The following ERCC6 variants were observed in gnomAD, a reference collection of about 807,000 sequenced individuals.
ERCC6 encodes DNA excision repair protein ERCC-6.
In ERCC6, 116 loss-of-function variants were observed where a neutral mutation model predicts 158.7. The observed-to-expected ratio is 0.73, with a 90% CI of 0.63 to 0.85. The LOEUF (loss-of-function observed/expected upper bound fraction) is 0.85, where lower values mean the gene tolerates loss of function less well. Among genes scored for constraint, ERCC6 ranks in the 40% least tolerant of loss-of-function variants. ERCC6 has a pLI of 0.00. For missense variants in ERCC6, 1,698 were observed against 1,799.4 expected, an observed-to-expected ratio of 0.94 and a Z score of 1.02; for synonymous variants, 678 against 659.3, an observed-to-expected ratio of 1.03 and a Z score of -0.43.
chr10:49,522,474 T>C (rs1837193350), intron 5 of ERCC6, among the ~76,000 whole-genome samples: 1 of 152,222 alleles, frequency 6.6e-6, no homozygotes, highest in Non-Finnish European at 1.5e-5. Flanking sequence ...CTGAAATTCA[T>C]TTGAGATTTC....
At chr10:49,493,086 A>G in intron 8 of ERCC6, 31 bp downstream of exon 8, 2 of 1,612,518 alleles carry the variant, frequency 1.2e-6, no homozygotes, top group East Asian at 4.5e-5. Flanking sequence ...GCATTAAAAC[A>G]AAACAAAAAG....
rs1265580720 is a variant in ERCC6, at chr10:49,516,062, G to T, written c.1397+7971C>A. On this transcript the variant is annotated intron_variant, in intron 5 of 20. Transcript: ENST00000355832. ...GTGCAATACTGGTGAAAAAGTTATT[G>T]AATACAAAATGGTATTGTCCAGGGT... The T allele has an allele frequency of 3.7e-6, 6 of 1,614,078 alleles. No homozygotes were observed. In the Middle Eastern group the frequency reaches 8.2e-4, roughly 222 times the overall value.
Position 49,519,587 on chromosome 10 carries a change from G to A in ERCC6, c.1397+4446C>T, listed in dbSNP as rs138372416. Among the ~76,000 whole-genome samples, 371 of 152,260 alleles carry A rather than the reference G, an allele frequency of 2.4e-3. 2 individuals are homozygous for A. Among genetic ancestry groups the A allele is most frequent in the African/African-American group, 8.4e-3 (349 of 41,556 alleles). ...GGTCATCTGAGGAGACTCAGGCACC[G>A]CCTACTGAAGAGTCCGTTTCTGAAC... On this transcript the variant is annotated intron_variant, in intron 5 of 20. Transcript: ENST00000355832.
Position 49,473,603 on chromosome 10 carries a change from G to A in ERCC6, c.2599-16C>T. The A allele has an allele frequency of 2.0e-6, 3 of 1,469,980 alleles. No individual in the cohort carries two copies. The highest frequency in any genetic ancestry group is 2.9e-6 in the Non-Finnish European group (3 of 1,048,502). 91.1% of individuals were successfully genotyped at this position (1,469,980 alleles called of 1,614,324 possible). On this transcript the variant is annotated splice_polypyrimidine_tract_variant and intron_variant, in intron 13 of 20. Transcript: ENST00000355832. ...TGTCCAGCATCTGTTTGGAGGTGGGGGATAGGAGTTTGCAAAGCAAATACA... is the reference window on the plus strand; with the variant it reads ...TGTCCAGCATCTGTTTGGAGGTGGGAGATAGGAGTTTGCAAAGCAAATACA...
chr10:49,493,166 G>A lies in ERCC6; in HGVS notation c.1772C>T (p.Pro591Leu), dbSNP rs115876786. ...TTCATGTAGAATTGCCACTCTGAAC[G>A]GAGGCCACCACGTGTGAAATTCCTT... Reference protein sequence around the residue: ...WVKEFHTWWPPFRVAILHETG... With the variant: ...WVKEFHTWWPLFRVAILHETG... Residue 591 changes from proline to leucine, a missense_variant, in exon 8 of 21, where the codon CCG becomes CTG. Coordinates refer to ENST00000355832, the MANE Select transcript of ERCC6 (RefSeq NM_000124.4). 3.5e-4 allele frequency: 572 copies of A among 1,614,022 alleles called. No homozygotes were observed. The highest frequency in any genetic ancestry group is 4.5e-4 in the Non-Finnish European group (529 of 1,179,992).
At chr10:49,539,208 C>G (rs1837681409), upstream of ERCC6, among the ~76,000 whole-genome samples, 1 of 152,258 alleles carries the variant, frequency 6.6e-6, no homozygotes, top group African/African-American at 2.4e-5. Context: ...TTTCTACTTG[C>G]GTGCGAGCAG....
chr10:49,515,530 G>A (rs1836922777), intron 5 of ERCC6: 5 of 1,614,098 alleles, frequency 3.1e-6, no homozygotes, highest in Non-Finnish European at 4.2e-6. Context: ...TCTGGAGGAT[G>A]ACCATGGGTC....
chr10:49,536,413 A>C (rs1348837060), intron 1 of ERCC6, among the ~76,000 whole-genome samples: 1 of 152,172 alleles, frequency 6.6e-6, no homozygotes, highest in Non-Finnish European at 1.5e-5. Context: ...GAAGGTCGCA[A>C]GCAGAAATGA....
At chr10:49,459,261 TA>T in intron 20 of ERCC6, 27 bp from the exon 21 acceptor site, 4 of 1,610,654 alleles carry the variant, frequency 2.5e-6, no homozygotes, top group Non-Finnish European at 3.4e-6. Flanking sequence ...ACTATACTGA[TA>T]TATTTAATTT....
At chr10:49,437,020 G>A in the ERCC6 span, among the ~76,000 whole-genome samples, 1 of 152,184 alleles carries the variant, frequency 6.6e-6, no homozygotes, top group Non-Finnish European at 1.5e-5. Flanking sequence ...CCTGTTGTGG[G>A]AAGCACCCGG....
intron 5 of ERCC6, among the ~76,000 whole-genome samples, chr10:49,517,432 T>G (rs781257169): frequency 6.6e-5 from 10 of 152,136 alleles, no homozygotes; most frequent in Non-Finnish European, 1.0e-4. Context: ...GTGCACCAAG[T>G]GATAACATGT....
chr10:49,526,712 T>C (rs1434972282), intron 4 of ERCC6, among the ~76,000 whole-genome samples: 1 of 152,196 alleles, frequency 6.6e-6, no homozygotes, highest in East Asian at 1.9e-4. Flanking sequence ...TTGCCGGAGA[T>C]GAATTTCAAC....
chr10:49,520,281 A>G (rs4253055), intron 5 of ERCC6, among the ~76,000 whole-genome samples: 28,613 of 152,180 alleles, frequency 0.19, 3,152 homozygotes, highest in South Asian at 0.35. Flanking sequence ...AGGGGCTCCC[A>G]GTGACACTGC....
At chr10:49,529,228 C>T (rs905953144) in intron 3 of ERCC6, among the ~76,000 whole-genome samples, 7 of 152,176 alleles carry the variant, frequency 4.6e-5, no homozygotes, top group Non-Finnish European at 8.8e-5. Context: ...ACTTCAAATA[C>T]GAGTGTGGGA....
At chr10:49,472,707 G>A (rs1196464245) in intron 15 of ERCC6, 1 of 739,108 alleles carries the variant, frequency 1.4e-6, no homozygotes, top group Non-Finnish European at 2.2e-6. Context: ...CTCTAGGAAT[G>A]AATGCTATGG....
intron 14 of ERCC6, 33 bp downstream of exon 14, chr10:49,473,444 C>G (rs1394473548): frequency 7.5e-7 from 1 of 1,325,710 alleles, no homozygotes. Flanking sequence ...TACAGCAGCA[C>G]CACTCAACTT....
chr10:49,516,360 T>C lies in ERCC6; in HGVS notation c.1397+7673A>G. On this transcript the variant is annotated intron_variant, in intron 5 of 20. Transcript: ENST00000355832. The stretch of plus-strand genomic sequence containing the variant: ...AAATTTCATGCATCTCTCATTAAGT[T>C]TGCTTATGAGAGGTCGCAATTTGGA... 2 of 1,614,160 alleles carry C rather than the reference T, an allele frequency of 1.2e-6. 1 individual carries two copies. The highest frequency in any genetic ancestry group is 4.5e-5 in the East Asian group (2 of 44,866).
In ERCC6 at chr10:49,492,255, T is replaced by C. The variant is rs1005838665; in HGVS notation, c.1821+862A>G. On this transcript the variant is annotated intron_variant, in intron 8 of 20. Transcript: ENST00000355832. ...CTGACTCCGTGAGGCAAACACTCCA[T>C]AGCCCTTGCAGCCGGCACTGCTTTC... Among the ~76,000 whole-genome samples the C allele has an allele frequency of 6.6e-5, 10 of 152,144 alleles. No homozygotes were observed. In the East Asian group the frequency reaches 1.2e-3, roughly 18 times the overall value.
At chr10:49,525,857 C>T (rs11101148) in intron 4 of ERCC6, among the ~76,000 whole-genome samples, 64,778 of 151,344 alleles carry the variant, frequency 0.43, 14,885 homozygotes, top group East Asian at 0.52. Context: ...GGACTCCTAA[C>T]GTACAGACAA....
Sources: allele counts gnomAD v4.1 joint callset (sites outside exome capture counted in the v4.1 genomes callset), GRCh38; gene constraint gnomAD v4.1.1; transcripts MANE v1.5; gene names NCBI Gene and HGNC (gene_info 2026-07-23, HGNC 2026-07-21).